Variants in PTPRF observed in about 807,000 individuals in gnomAD.
PTPRF encodes receptor-type tyrosine-protein phosphatase F.
Under a neutral mutation model 201.8 loss-of-function variants are expected in PTPRF, and 59 were observed. That is an observed-to-expected ratio of 0.29 (90% CI 0.24 to 0.36). PTPRF has a LOEUF of 0.36. PTPRF is among the 10% of genes least tolerant of loss of function. PTPRF has a pLI of 1.00. For synonymous variants in PTPRF, 1,088 were observed against 1,089.7 expected (o/e 1.00, Z 0.03); for missense variants, 2,132 against 2,690.5 (o/e 0.79, Z 4.59).
chr1:43,569,808 T>C, intron 6 of PTPRF, 30 bp downstream of exon 6: 1 of 1,579,082 alleles, frequency 6.3e-7, no homozygotes, highest in Non-Finnish European at 8.6e-7. Flanking sequence ...CAAGGGGCCA[T>C]GCAGACCTCA....
intron 22 of PTPRF, among the ~76,000 whole-genome samples, chr1:43,611,460 G>A (rs1656430482): frequency 6.6e-6 from 1 of 152,198 alleles, no homozygotes; most frequent in South Asian, 2.1e-4. Context: ...AGAGTTAGGG[G>A]CTTGGGGAAT....
At chr1:43,584,687 A>G (rs1648659435) in intron 7 of PTPRF, among the ~76,000 whole-genome samples, 1 of 152,182 alleles carries the variant, frequency 6.6e-6, no homozygotes, top group Admixed American at 6.5e-5. Context: ...TGCATCTTAC[A>G]TTTTTCCAGC....
chr1:43,592,372 T>C (rs556287124), intron 10 of PTPRF, 85 bp from the exon 11 acceptor site: 40 of 1,497,788 alleles, frequency 2.7e-5, no homozygotes, highest in Non-Finnish European at 9.0e-7. Context: ...GGTCCAGAGG[T>C]GTCACATTGC....
chr1:43,616,128 G>A (rs1237211642), intron 23 of PTPRF, among the ~76,000 whole-genome samples: 5 of 151,844 alleles, frequency 3.3e-5, no homozygotes, highest in African/African-American at 1.2e-4. Context: ...AAGCAGTGAC[G>A]CGGTCCTGTG....
At chr1:43,561,951 A>G (rs929730526) in intron 5 of PTPRF, among the ~76,000 whole-genome samples, 2 of 152,122 alleles carry the variant, frequency 1.3e-5, no homozygotes, top group Non-Finnish European at 2.9e-5. Flanking sequence ...TGTAAGGCCC[A>G]CTGTACGTGT....
intron 12 of PTPRF, 91 bp downstream of exon 12, chr1:43,598,144 C>T: frequency 3.1e-6 from 4 of 1,271,414 alleles, no homozygotes; most frequent in Non-Finnish European, 4.2e-6. Flanking sequence ...TGAACACAGG[C>T]CCAGGTCAAC....
chr1:43,615,061 G>C (rs1657412905), intron 23 of PTPRF, among the ~76,000 whole-genome samples: 1 of 152,140 alleles, frequency 6.6e-6, no homozygotes, highest in Non-Finnish European at 1.5e-5. Flanking sequence ...TAACCTGTGA[G>C]TTTGCGCCCC....
In PTPRF at chr1:43,572,553, G is replaced by T. The variant is rs143742801; in HGVS notation, c.568+2775G>T. On this transcript the variant is annotated intron_variant, in intron 6 of 33. Transcript: ENST00000359947. Reference sequence around the variant, plus strand: ...TGGCCTGGGACCGTTGGCCTCAGTTGTTGCTGGCCTTATCCCATTACCATT... The same window carrying T: ...TGGCCTGGGACCGTTGGCCTCAGTTTTTGCTGGCCTTATCCCATTACCATT... Among the ~76,000 whole-genome samples, 506 of 152,310 alleles carry T rather than the reference G, an allele frequency of 3.3e-3. 5 individuals are homozygous for T. The highest frequency in any genetic ancestry group is 3.4e-3 in the Middle Eastern group (1 of 294).
chr1:43,531,547 C>CCGCCCCCGCCGCACAGG (rs1553164929), intron 1 of PTPRF, among the ~76,000 whole-genome samples: 4 of 148,478 alleles, frequency 2.7e-5, no homozygotes, highest in African/African-American at 9.8e-5. Context: ...GGCCGCGCCC[C>CCGCCCCCGCCGCACAGG]CGCCCCCGCC....
chr1:43,591,569 C>A lies in PTPRF; in HGVS notation c.1531+16C>A. 2 of 1,542,968 alleles carry A rather than the reference C, an allele frequency of 1.3e-6. No individual in the cohort carries two copies. The highest frequency in any genetic ancestry group is 2.4e-5 in the South Asian group (2 of 84,322). The stretch of plus-strand genomic sequence containing the variant: ...CAGCAGGGAGGTAGGTGGGGGCATG[C>A]CGGCTGGGCAGCCAACAGCAGAGAA... On this transcript the variant is annotated intron_variant, in intron 9 of 33. Transcript: ENST00000359947.
intron 11 of PTPRF, among the ~76,000 whole-genome samples, chr1:43,597,305 G>A (rs774031214): frequency 3.9e-5 from 6 of 151,906 alleles, no homozygotes; most frequent in Non-Finnish European, 5.9e-5. Context: ...GACACTATAT[G>A]TGGAGACTAT....
At chr1:43,579,621 C>A in intron 7 of PTPRF, 1 of 265,904 alleles carries the variant, frequency 3.8e-6, no homozygotes, top group Non-Finnish European at 7.4e-6. Context: ...CCAATCTCTG[C>A]TATGCTCACA....
Position 43,612,671 on chromosome 1 carries a change from A to G in PTPRF, c.3974-947A>G, listed in dbSNP as rs1557855512. ...CCTCGCAAGCCCGCTCGGCACCTCC[A>G]CTGTGTGTGATGGTGCTGTAAGCAG... On this transcript the variant is annotated intron_variant, in intron 22 of 33. Coordinates refer to ENST00000359947, the MANE Select transcript of PTPRF (RefSeq NM_002840.5). 12 of 1,131,270 alleles carry G rather than the reference A, an allele frequency of 1.1e-5. No homozygotes were observed. In the East Asian group the frequency reaches 1.7e-4, roughly 16 times the overall value. 70.1% of individuals were successfully genotyped at this position (1,131,270 alleles called of 1,614,324 possible). A position where few individuals can be genotyped will look rare whatever the true frequency, so the allele number is the denominator to read the frequency against.
At chr1:43,589,396 G>T (rs1650022666) in intron 8 of PTPRF, among the ~76,000 whole-genome samples, 1 of 150,448 alleles carries the variant, frequency 6.6e-6, no homozygotes, top group Admixed American at 6.6e-5. Context: ...CTTAAACCCA[G>T]TGTGGTCTGA....
In PTPRF at chr1:43,620,533, A is replaced by G. The variant is rs767910194; in HGVS notation, c.5318A>G (p.Asn1773Ser). Residue 1773 changes from asparagine to serine, a missense_variant, in exon 31 of 34, where the codon AAC becomes AGC. Transcript: ENST00000359947. ...YFVVDPMAEY[N>S]MPQYILREFK... Reference sequence around the variant, plus strand: ...GTTGTTGACCCGATGGCTGAGTACAACATGCCCCAGTATATCCTGCGTGAG... The same window carrying G: ...GTTGTTGACCCGATGGCTGAGTACAGCATGCCCCAGTATATCCTGCGTGAG... The G allele has an allele frequency of 1.9e-6, 3 of 1,614,126 alleles. No homozygotes were observed. Among genetic ancestry groups the G allele is most frequent in the Non-Finnish European group, 2.5e-6 (3 of 1,179,968 alleles).
rs1381925039 is a variant in PTPRF, at chr1:43,537,512, C to T, written c.-125-686C>T. Among the ~76,000 whole-genome samples, 4 of 152,112 alleles carry T rather than the reference C, an allele frequency of 2.6e-5. No individual in the cohort carries two copies. Among genetic ancestry groups the T allele is most frequent in the African/African-American group, 7.2e-5 (3 of 41,420 alleles). On this transcript the variant is annotated intron_variant, in intron 1 of 33. Coordinates refer to ENST00000359947, the MANE Select transcript of PTPRF (RefSeq NM_002840.5). The surrounding 1 kb of genome is among the most constrained non-coding windows in gnomAD (Gnocchi z 4.8). The stretch of plus-strand genomic sequence containing the variant: ...AGCTGTCAGCCAGGCGCTGGGGATA[C>T]GGAAATGAGCTGGGCAGCCACAGTC...
rs185756604 is a variant in PTPRF, at chr1:43,594,740, G to A, written c.1813+2139G>A. On this transcript the variant is annotated intron_variant, in intron 11 of 33. Transcript: ENST00000359947. The stretch of plus-strand genomic sequence containing the variant: ...AACCTGGGAGGAGAGTGGTGCTGGC[G>A]TAGAATGGGAAATGGGGCAGAGGCA... Among the ~76,000 whole-genome samples, 32 of 152,240 alleles carry A rather than the reference G, an allele frequency of 2.1e-4. No homozygotes were observed. In the East Asian group the frequency reaches 3.3e-3, roughly 16 times the overall value.
rs6687669 is a variant in PTPRF at position 43,556,886 on chromosome 1, G to C, written c.379+2945G>C. Among the ~76,000 whole-genome samples, 1,198 of 152,342 alleles carry C rather than the reference G, an allele frequency of 7.9e-3. 23 individuals are homozygous for C. Among genetic ancestry groups the C allele is most frequent in the African/African-American group, 0.028 (1,160 of 41,572 alleles). ...TGCGTGGCATCATCCGGGTGATGCAGCTCCACTGCCTGCTCCCACGGGGGG... is the reference window on the plus strand; with the variant it reads ...TGCGTGGCATCATCCGGGTGATGCACCTCCACTGCCTGCTCCCACGGGGGG... On this transcript the variant is annotated intron_variant, in intron 5 of 33. Transcript: ENST00000359947.
In PTPRF at chr1:43,597,918, A is replaced by G. The variant is rs1451571570; in HGVS notation, c.1984A>G (p.Ile662Val). The G allele has an allele frequency of 6.9e-6, 11 of 1,598,374 alleles. No homozygotes were observed. Among genetic ancestry groups the G allele is most frequent in the Non-Finnish European group, 9.4e-6 (11 of 1,172,920 alleles). Residue 662 changes from isoleucine (I) to valine (V), a missense_variant, in exon 12 of 34, where the codon ATC (isoleucine) becomes GTC (valine). Ile to Val is a conservative substitution (Grantham distance 29). Coordinates refer to ENST00000359947, the MANE Select transcript of PTPRF (RefSeq NM_002840.5). ...EDRGRHVVDG[I>V]SREHSSWDLV... Reference sequence around the variant, plus strand: ...CCGCGGGCGGCATGTGGTGGATGGCATCAGCCGTGAGCACTCCAGCTGGGA... The same window carrying G: ...CCGCGGGCGGCATGTGGTGGATGGCGTCAGCCGTGAGCACTCCAGCTGGGA...
Sources: allele counts gnomAD v4.1 joint callset (sites outside exome capture counted in the v4.1 genomes callset), GRCh38; gene constraint gnomAD v4.1.1; non-coding constraint Gnocchi (gnomAD v3.1); transcripts MANE v1.5; gene names NCBI Gene and HGNC (gene_info 2026-07-23, HGNC 2026-07-21).